The following NCF2 variants were observed in gnomAD, a reference collection of about 807,000 sequenced individuals.
NCF2 encodes neutrophil cytosolic factor 2, also known as neutrophil cytosol factor 2.
In NCF2, 45 loss-of-function variants were observed where a neutral mutation model predicts 70.9. That is an observed-to-expected ratio of 0.63 (90% confidence interval 0.50 to 0.81). The LOEUF is 0.81. NCF2 is among the 40% of genes least tolerant of loss of function. The probability of loss-of-function intolerance (pLI) is 0.00; values close to 1 mark genes in which losing one functional copy is unlikely to be tolerated. For missense variants in NCF2, 522 were observed against 631.6 expected (o/e 0.83, Z 1.86); for synonymous variants, 203 against 233.6 (o/e 0.87, Z 1.19).
rs1278540941 is a variant in NCF2, at chr1:183,569,358, C to T, written c.670-173G>A. 26 of 680,484 alleles carry T rather than the reference C, an allele frequency of 3.8e-5. No homozygotes were observed. In the Middle Eastern group the frequency reaches 3.7e-3, roughly 98 times the overall value. The allele number at this position is 680,484 out of a possible 1,614,324, so 42.2% of individuals were successfully genotyped here. On this transcript the variant is annotated intron_variant, in intron 6 of 14. Coordinates refer to ENST00000367535, the MANE Select transcript of NCF2 (RefSeq NM_000433.4). ...AGAGGGCACAGTCACCCTGACTAAACACTGGGAAATAACACCTCCCACCAG... is the reference window on the plus strand; with the variant it reads ...AGAGGGCACAGTCACCCTGACTAAATACTGGGAAATAACACCTCCCACCAG...
In NCF2 at chr1:183,574,490, G is replaced by A; in HGVS notation, c.498C>T (p.Val166=). The A allele has an allele frequency of 1.2e-6, 2 of 1,614,196 alleles. No homozygotes were observed. Among genetic ancestry groups the A allele is most frequent in the South Asian group, 1.1e-5 (1 of 91,088 alleles). Residue 166 remains valine (V), a synonymous_variant, in exon 4 of 15, where the codon GTC becomes GTT. Coordinates refer to ENST00000367535, the MANE Select transcript of NCF2 (RefSeq NM_000433.4). The part of the protein sequence containing the change: ...HSKIDKAMEC[V]WKQKLYEPVV... ...CCTGCATCACCAATACGCTTACCCA[G>A]ACACACTCCATCGCCTTGTCGATTT... is the stretch of plus-strand genomic sequence containing the variant.
chr1:183,567,444 C>G, intron 7 of NCF2, 99 bp from the exon 8 acceptor site: 1 of 1,534,972 alleles, frequency 6.5e-7, no homozygotes, highest in Non-Finnish European at 8.9e-7. Context: ...TCCAGCCTGG[C>G]TCTAACTCCA....
intron 2 of NCF2, among the ~76,000 whole-genome samples, chr1:183,583,166 C>T (rs749232924): frequency 6.6e-6 from 1 of 152,164 alleles, no homozygotes; most frequent in Admixed American, 6.5e-5. Context: ...TATTCTCCTG[C>T]CTCAGCGTCC....
At chr1:183,576,835 T>C (rs1002948513) in intron 3 of NCF2, among the ~76,000 whole-genome samples, 7 of 152,078 alleles carry the variant, frequency 4.6e-5, no homozygotes, top group African/African-American at 1.7e-4. Context: ...CTTTTGTCAG[T>C]GATTTTTCTA....
intron 9 of NCF2, 79 bp downstream of exon 9, chr1:183,566,841 T>C: frequency 6.3e-7 from 1 of 1,577,826 alleles, no homozygotes; most frequent in Non-Finnish European, 8.7e-7. Flanking sequence ...CAACACCTCT[T>C]TTACACTGCT....
At chr1:183,594,359 T>C (rs1673734859), upstream of NCF2, among the ~76,000 whole-genome samples, 1 of 152,228 alleles carries the variant, frequency 6.6e-6, no homozygotes. Context: ...CAGTGAGTGA[T>C]GATCACGCCA....
chr1:183,584,139 G>T (rs1673233216), intron 2 of NCF2, among the ~76,000 whole-genome samples: 1 of 152,242 alleles, frequency 6.6e-6, no homozygotes, highest in African/African-American at 2.4e-5. Flanking sequence ...AGCCATATGG[G>T]AGAGGGTGGC....
chr1:183,599,914 A>G, the NCF2 span, among the ~76,000 whole-genome samples: 1 of 152,110 alleles, frequency 6.6e-6, no homozygotes, highest in Non-Finnish European at 1.5e-5. Flanking sequence ...CCATCTACCA[A>G]TATCAGTAAG....
At chr1:183,592,083 G>T (rs1465240177), upstream of NCF2, among the ~76,000 whole-genome samples, 2 of 152,152 alleles carry the variant, frequency 1.3e-5, no homozygotes, top group South Asian at 4.1e-4. Context: ...TTCTTTTTAG[G>T]TAAAATGCAT....
At chr1:183,577,874 A>G (rs974749950) in intron 2 of NCF2, among the ~76,000 whole-genome samples, 167 bp from the exon 3 acceptor site, 1 of 152,180 alleles carries the variant, frequency 6.6e-6, no homozygotes, top group Admixed American at 6.5e-5. Context: ...CAAGTATTCT[A>G]TACAACTCCT....
chr1:183,581,539 G>C (rs981200133), intron 2 of NCF2, among the ~76,000 whole-genome samples: 2 of 151,772 alleles, frequency 1.3e-5, no homozygotes, highest in Non-Finnish European at 2.9e-5. Context: ...ATGTTGCTCA[G>C]GCTGGTCTCG....
chr1:183,591,265 C>T (rs773087261), upstream of NCF2, among the ~76,000 whole-genome samples: 1 of 152,238 alleles, frequency 6.6e-6, no homozygotes, highest in Non-Finnish European at 1.5e-5. Context: ...AGAAAAAATC[C>T]TGTGTCACTG....
At chr1:183,590,070 G>T (rs1210328870) in intron 1 of NCF2, 86 bp downstream of exon 1, 10 of 1,586,060 alleles carry the variant, frequency 6.3e-6, no homozygotes, top group Non-Finnish European at 8.7e-6. Flanking sequence ...AATCTCCCCA[G>T]AGGTTAGGTT....
chr1:183,581,699 C>T (rs1196405847), intron 2 of NCF2, among the ~76,000 whole-genome samples: 8 of 151,358 alleles, frequency 5.3e-5, no homozygotes, highest in Admixed American at 2.0e-4. Flanking sequence ...GACAGAGTCT[C>T]GCTCTGTTGC....
intron 1 of NCF2, among the ~76,000 whole-genome samples, chr1:183,589,634 C>G (rs1673546760): frequency 6.6e-6 from 1 of 152,210 alleles, no homozygotes; most frequent in Non-Finnish European, 1.5e-5. Context: ...CTCTTGCCAG[C>G]CTCAGCATCT....
rs369006606 is a variant in NCF2, at chr1:183,556,156, C to T, written c.1543G>A (p.Ala515Thr). The T allele has an allele frequency of 3.3e-5, 53 of 1,614,158 alleles. No homozygotes were observed. In the Middle Eastern group the frequency reaches 8.2e-4, roughly 25 times the overall value. Reference sequence around the variant, plus strand: ...CGAGTGCTTTCCAAATCTGTAGTTGCGCAGTCTTCAACAAAAACTTTGGGG... The same window carrying T: ...CGAGTGCTTTCCAAATCTGTAGTTGTGCAGTCTTCAACAAAAACTTTGGGG... ...IFPKVFVEDC[A>T]TTDLESTRRE... is the part of the protein sequence containing the mutation. The change falls in exon 15 of 15, where the codon GCA (alanine) becomes ACA (threonine). Residue 515 changes from alanine (A) to threonine (T), a missense_variant. Transcript: ENST00000367535.
intron 14 of NCF2, 53 bp downstream of exon 14, chr1:183,560,043 C>G: frequency 6.4e-7 from 1 of 1,570,808 alleles, no homozygotes; most frequent in South Asian, 1.1e-5. Flanking sequence ...TGCCCTTGAC[C>G]TTGTTTCTGC....
At chr1:183,595,275 A>C (rs1199395638), upstream of NCF2, among the ~76,000 whole-genome samples, 2 of 152,188 alleles carry the variant, frequency 1.3e-5, no homozygotes, top group African/African-American at 4.8e-5. Flanking sequence ...TGGATCTCAC[A>C]TGAAGGATAC....
intron 2 of NCF2, among the ~76,000 whole-genome samples, chr1:183,583,448 T>A (rs1673204353): frequency 6.6e-6 from 1 of 152,240 alleles, no homozygotes; most frequent in Admixed American, 6.5e-5. Context: ...GTTACCCACT[T>A]CTGCCTTGCA....
Sources: allele counts gnomAD v4.1 joint callset (sites outside exome capture counted in the v4.1 genomes callset), GRCh38; gene constraint gnomAD v4.1.1; transcripts MANE v1.5; gene names NCBI Gene and HGNC (gene_info 2026-07-23, HGNC 2026-07-21).